NMUR2: variants seen among roughly 807,000 people sequenced by gnomAD.
NMUR2 encodes neuromedin U receptor 2, also known as neuromedin-U receptor 2.
A neutral mutation model predicts 25.1 loss-of-function variants in NMUR2; 24 were observed. The ratio of observed to expected loss-of-function variants is 0.96; its 90% CI spans 0.69 to 1.34. NMUR2 has a LOEUF of 1.34. Ranked by LOEUF, NMUR2 falls within the 40% of genes most tolerant of loss-of-function variation. The pLI is 0.00. For missense variants in NMUR2, 533 were observed against 512.8 expected, an observed-to-expected ratio of 1.04 and a Z score of -0.38; for synonymous variants, 218 against 208.1, an observed-to-expected ratio of 1.05 and a Z score of -0.41.
At chr5:152,399,133 T>A (rs1436939363) in intron 1 of NMUR2, among the ~76,000 whole-genome samples, 1 of 152,158 alleles carries the variant, frequency 6.6e-6, no homozygotes, top group African/African-American at 2.4e-5. Flanking sequence ...TTTTAATTTG[T>A]GGGGATGTTT....
intron 1 of NMUR2, among the ~76,000 whole-genome samples, chr5:152,398,661 C>G (rs1387958800): frequency 1.3e-5 from 2 of 152,052 alleles, no homozygotes; most frequent in African/African-American, 4.8e-5. Flanking sequence ...GATAGTGTAT[C>G]AACTTTCCAC....
At chr5:152,403,691 AAT>A (rs1753295914) in intron 1 of NMUR2, among the ~76,000 whole-genome samples, 2 of 147,908 alleles carry the variant, frequency 1.4e-5, no homozygotes, top group Non-Finnish European at 1.5e-5. Context: ...TCATGTCATT[AAT>A]ATATATGATT....
rs763453336 is a variant in NMUR2 at position 152,398,078 on chromosome 5, AT to A, written c.792del (p.Lys264AsnfsTer12). Reference protein sequence around the residue: ...GNANIQRPCRKSVNKMLFVLV... With the variant: ...GNANIQRPCRXSVNKMLFVLV... ...CACTTACACAGCATCTTGTTGACTG[AT>A]TTTCTGCAGGGTCTTTGAATATTTG... On this transcript the variant is annotated frameshift_variant, in exon 2 of 4. Coordinates refer to ENST00000255262, the MANE Select transcript of NMUR2 (RefSeq NM_020167.5). LOFTEE classifies it high-confidence loss of function. The A allele has an allele frequency of 6.2e-7, 1 of 1,613,356 alleles. No homozygotes were observed. Among genetic ancestry groups the A allele is most frequent in the Non-Finnish European group, 8.5e-7 (1 of 1,179,554 alleles).
At chr5:152,392,738 G>C (rs565302123) in intron 3 of NMUR2, among the ~76,000 whole-genome samples, 31 of 152,180 alleles carry the variant, frequency 2.0e-4, no homozygotes, top group Non-Finnish European at 4.0e-4. Flanking sequence ...GCTGACATGG[G>C]ATCTCTCTGA....
At chr5:152,402,192 C>G (rs1350567437) in intron 1 of NMUR2, among the ~76,000 whole-genome samples, 1 of 151,980 alleles carries the variant, frequency 6.6e-6, no homozygotes, top group Non-Finnish European at 1.5e-5. Context: ...GAGAGCTTCC[C>G]TGAGGAAGCG....
intron 3 of NMUR2, 122 bp downstream of exon 3, chr5:152,395,337 T>C: frequency 1.8e-6 from 2 of 1,095,628 alleles, no homozygotes; most frequent in Non-Finnish European, 2.7e-6. Context: ...AAATCAAATG[T>C]CTTCATTATA....
At chr5:152,401,436 C>G (rs1247968046) in intron 1 of NMUR2, among the ~76,000 whole-genome samples, 1 of 152,202 alleles carries the variant, frequency 6.6e-6, no homozygotes, top group Non-Finnish European at 1.5e-5. Context: ...TGAAATCACT[C>G]TACCAGATGT....
At chr5:152,399,471 G>T (rs1310782493) in intron 1 of NMUR2, among the ~76,000 whole-genome samples, 1 of 152,066 alleles carries the variant, frequency 6.6e-6, no homozygotes, top group Non-Finnish European at 1.5e-5. Context: ...TTCTGAAGAT[G>T]CAAGTTTTCA....
intron 2 of NMUR2, among the ~76,000 whole-genome samples, chr5:152,395,844 ATT>A (rs1753139623): frequency 6.6e-6 from 1 of 151,988 alleles, no homozygotes. Flanking sequence ...TTTTTAGAAC[ATT>A]TAAAATAGTA....
At chr5:152,398,026 CA>C in intron 2 of NMUR2, 33 bp downstream of exon 2, 1 of 1,521,496 alleles carries the variant, frequency 6.6e-7, no homozygotes, top group Non-Finnish European at 9.1e-7. Flanking sequence ...CTCTTATGAA[CA>C]AAACAAAACA....
At position 152,404,873 on chromosome 5, in the gene NMUR2, T is replaced by C. The variant is rs756005753; in HGVS notation, c.241A>G (p.Asn81Asp). The C allele has an allele frequency of 9.3e-6, 15 of 1,613,886 alleles. No individual in the cohort carries two copies. Among genetic ancestry groups the C allele is most frequent in the Middle Eastern group, 1.6e-4 (1 of 6,084 alleles). Reference protein sequence around the residue: ...LQHQAMKTPTNYYLFSLAVSD... With the variant: ...LQHQAMKTPTDYYLFSLAVSD... The stretch of plus-strand genomic sequence containing the variant: ...ACCGCCAGGCTGAAGAGGTAGTAGT[T>C]GGTGGGCGTCTTCATAGCCTGGTGC... The change falls in exon 1 of 4, where the codon AAC (asparagine) becomes GAC (aspartate). Residue 81 changes from asparagine (N) to aspartate (D), a missense_variant. Asn to Asp is a conservative substitution (Grantham distance 23, BLOSUM62 1). Transcript: ENST00000255262.
chr5:152,392,621 TA>T, intron 3 of NMUR2, 120 bp from the exon 4 acceptor site: 2 of 724,772 alleles, frequency 2.8e-6, no homozygotes, highest in Non-Finnish European at 4.6e-6. Flanking sequence ...TTATAAGTGA[TA>T]ATACATACAA....
Position 152,404,971 on chromosome 5 carries a change from A to G in NMUR2, c.143T>C (p.Val48Ala). 19 of 1,613,936 alleles carry G rather than the reference A, an allele frequency of 1.2e-5. No homozygotes were observed. Among genetic ancestry groups the G allele is most frequent in the Non-Finnish European group, 1.4e-5 (17 of 1,179,988 alleles). ...AAAAATTGGCACATACACCACAGAC[A>G]CGGGGAGGAAGAAGTGGCTGCGCCG... ...GPRRSHFFLPVSVVYVPIFVV... is the reference protein window; with the variant it reads ...GPRRSHFFLPASVVYVPIFVV... Residue 48 changes from valine to alanine, a missense_variant, in exon 1 of 4, where the codon GTG becomes GCG. Val to Ala is a moderately conservative substitution (Grantham distance 64). Transcript: ENST00000255262.
At chr5:152,404,323 C>A (rs1363484662) in intron 1 of NMUR2, 65 bp downstream of exon 1, 9 of 1,516,216 alleles carry the variant, frequency 5.9e-6, no homozygotes. Flanking sequence ...AAGTTTTTCT[C>A]TGAACTTTGA....
Position 152,395,393 on chromosome 5 carries a change from C to A in NMUR2, c.937+66G>T. On this transcript the variant is annotated intron_variant, in intron 3 of 3. Coordinates refer to ENST00000255262, the MANE Select transcript of NMUR2 (RefSeq NM_020167.5). The stretch of plus-strand genomic sequence containing the variant: ...AAATTGGAGTACTTAGGCATCTAAG[C>A]AAGATGAAGAAGAAGGTGCTGTTAC... 4 of 1,577,840 alleles carry A rather than the reference C, an allele frequency of 2.5e-6. No homozygotes were observed. The South Asian group carries it at 4.5e-5, about 18-fold the overall frequency.
rs1277078811 is a variant in NMUR2 at position 152,391,999 on chromosome 5, T to C, written c.*192A>G. 1.8e-6 allele frequency: 1 copy of C among 547,924 alleles called. No homozygotes were observed. The highest frequency in any genetic ancestry group is 1.9e-5 in the African/African-American group (1 of 52,798). The allele number at this position is 547,924 out of a possible 1,614,324, so 33.9% of individuals were successfully genotyped here. A position where few individuals can be genotyped will look rare whatever the true frequency, so the allele number is the denominator to read the frequency against. On this transcript the variant is annotated 3_prime_UTR_variant, in exon 4 of 4. Transcript: ENST00000255262. ...AGGATAGTGGAAAGATAACTAAAAA[T>C]CAGGCAGTCTTGGGTTTTGAAACCA...
chr5:152,404,637 G>A lies in NMUR2; in HGVS notation c.477C>T (p.Thr159=), dbSNP rs1561699649. The A allele has an allele frequency of 1.9e-6, 3 of 1,614,002 alleles. No homozygotes were observed. Among genetic ancestry groups the A allele is most frequent in the African/African-American group, 2.7e-5 (2 of 74,922 alleles). Reference sequence around the variant, plus strand: ...CGAGGATCCTGAGGGCCCGGCGCCGGGTGCTCTGCAGTTTGGCGCGGAACG... The same window carrying A: ...CGAGGATCCTGAGGGCCCGGCGCCGAGTGCTCTGCAGTTTGGCGCGGAACG... The part of the protein sequence containing the change: ...LHPFRAKLQS[T]RRRALRILGI... Residue 159 remains threonine (T), a synonymous_variant, in exon 1 of 4, where the codon ACC becomes ACT. Coordinates refer to ENST00000255262, the MANE Select transcript of NMUR2 (RefSeq NM_020167.5).
At chr5:152,401,040 G>A (rs1007598973) in intron 1 of NMUR2, among the ~76,000 whole-genome samples, 1 of 152,180 alleles carries the variant, frequency 6.6e-6, no homozygotes, top group African/African-American at 2.4e-5. Context: ...TACATATGGT[G>A]TACATTGTTC....
rs1159439849 is a variant in NMUR2 at position 152,392,325 on chromosome 5, C to A, written c.1114G>T (p.Val372Leu). 1 of 1,613,900 alleles carries A rather than the reference C, an allele frequency of 6.2e-7. No homozygotes were observed. Among genetic ancestry groups the A allele is most frequent in the Non-Finnish European group, 8.5e-7 (1 of 1,179,964 alleles). Residue 372 changes from valine (V) to leucine (L), a missense_variant, in exon 4 of 4, where the codon GTG becomes TTG. By Grantham distance (32) the Val-to-Leu change is conservative (BLOSUM62 1). Transcript: ENST00000255262. ...RNIFLTECHF[V>L]ELTEDIGPQF... ...GGACCTATATCTTCGGTCAGCTCCACAAAGTGGCATTCTGTCAGGAAGATG... is the reference window on the plus strand; with the variant it reads ...GGACCTATATCTTCGGTCAGCTCCAAAAAGTGGCATTCTGTCAGGAAGATG...
Sources: gnomAD v4.1 joint callset for allele counts (sites outside exome capture counted in the v4.1 genomes callset) on GRCh38, gnomAD v4.1.1 for gene constraint, MANE v1.5 for transcripts, NCBI Gene and HGNC (gene_info 2026-07-23, HGNC 2026-07-21) for gene names.